Variants in SYT14 observed in about 807,000 individuals in gnomAD.
SYT14 encodes synaptotagmin 14, also known as synaptotagmin-14.
Under a neutral mutation model 74.2 loss-of-function variants are expected in SYT14, and 32 were observed. That is an observed-to-expected ratio of 0.43 (90% confidence interval 0.33 to 0.58). SYT14 has a LOEUF of 0.58. Ranked by LOEUF, SYT14 falls within the 20% of genes least tolerant of loss-of-function variation. SYT14 has a pLI of 0.05. For synonymous variants in SYT14, 298 were observed against 337.7 expected, an observed-to-expected ratio of 0.88 and a Z score of 1.29; for missense variants, 791 against 981.8, an observed-to-expected ratio of 0.81 and a Z score of 2.60.
chr1:209,993,194 C>T (rs1344176242), intron 2 of SYT14, among the ~76,000 whole-genome samples: 1 of 152,160 alleles, frequency 6.6e-6, no homozygotes, highest in African/African-American at 2.4e-5. Context: ...AGTGCCAGCC[C>T]CAACTGACCT....
chr1:210,071,023 G>A (rs2081384710), intron 5 of SYT14, among the ~76,000 whole-genome samples: 1 of 144,060 alleles, frequency 6.9e-6, no homozygotes, highest in Non-Finnish European at 1.5e-5. Context: ...GACATGTATT[G>A]TAATATTTTT....
At chr1:209,973,959 C>T (rs1163701670) in intron 2 of SYT14, among the ~76,000 whole-genome samples, 1 of 152,130 alleles carries the variant, frequency 6.6e-6, no homozygotes, top group East Asian at 1.9e-4. Flanking sequence ...CTCTGATTGC[C>T]AGTGATGATG....
chr1:210,161,111 C>A, exon 10 of SYT14: 2 of 1,517,854 alleles, frequency 1.3e-6, no homozygotes, highest in Non-Finnish European at 1.8e-6. Flanking sequence ...CTGTTTCTAC[C>A]AAGTCCCATT....
intron 5 of SYT14, among the ~76,000 whole-genome samples, chr1:210,067,811 T>C (rs2081324477): frequency 6.6e-6 from 1 of 151,828 alleles, no homozygotes; most frequent in African/African-American, 2.4e-5. Context: ...GATGTAAAGA[T>C]TGAAAAGGAA....
chr1:210,162,909 T>C (rs1453719672), exon 10 of SYT14: 1 of 453,254 alleles, frequency 2.2e-6, no homozygotes, highest in Non-Finnish European at 4.4e-6. Flanking sequence ...CTTTTATTGT[T>C]ACATCAATGA....
intron 2 of SYT14, among the ~76,000 whole-genome samples, chr1:209,961,973 G>A (rs2079082088): frequency 6.6e-6 from 1 of 152,060 alleles, no homozygotes; most frequent in Non-Finnish European, 1.5e-5. Flanking sequence ...ATCTTTGGGT[G>A]TTGGCATATA....
chr1:209,978,342 ACCTT>A (rs2079410263), intron 2 of SYT14, among the ~76,000 whole-genome samples: 1 of 151,414 alleles, frequency 6.6e-6, no homozygotes, highest in African/African-American at 2.4e-5. Context: ...GGTTTTATCT[ACCTT>A]TGGTCTTTGA....
chr1:210,051,703 C>T (rs1258895925), intron 5 of SYT14, among the ~76,000 whole-genome samples: 1 of 152,144 alleles, frequency 6.6e-6, no homozygotes, highest in African/African-American at 2.4e-5. Flanking sequence ...TTGGAAACCA[C>T]TCCATATGAA....
intron 5 of SYT14, among the ~76,000 whole-genome samples, chr1:210,051,943 G>T (rs557857246): frequency 6.6e-6 from 1 of 152,186 alleles, no homozygotes; most frequent in Admixed American, 6.5e-5. Context: ...AATCTTAATT[G>T]TTTTTAGAAG....
At chr1:210,134,183 G>A (rs1322110782) in intron 7 of SYT14, among the ~76,000 whole-genome samples, 1 of 151,898 alleles carries the variant, frequency 6.6e-6, no homozygotes, top group Admixed American at 6.6e-5. Flanking sequence ...GCTCACTGCA[G>A]CCTCAACCTC....
exon 10 of SYT14, chr1:210,165,705 T>C (rs900441855): frequency 2.0e-5 from 3 of 152,212 alleles, no homozygotes; most frequent in Admixed American, 1.3e-4. Context: ...ATTACATATG[T>C]CTCTCTTCCC....
chr1:210,164,336 A>G (rs887181337), exon 10 of SYT14: 1 of 211,238 alleles, frequency 4.7e-6, no homozygotes, highest in African/African-American at 2.4e-5. Context: ...TAATATACAC[A>G]TGTTTAAATG....
intron 7 of SYT14, among the ~76,000 whole-genome samples, chr1:210,138,039 T>G (rs968819056): frequency 6.6e-6 from 1 of 152,218 alleles, no homozygotes; most frequent in Non-Finnish European, 1.5e-5. Flanking sequence ...ACACATGCTG[T>G]GTACTAAATT....
chr1:210,083,595 G>C lies in SYT14; in HGVS notation c.1313-10727G>C, dbSNP rs768991740. On this transcript the variant is annotated intron_variant, in intron 5 of 9. Coordinates refer to ENST00000637265, the Ensembl canonical transcript of SYT14. Reference sequence around the variant, plus strand: ...TTCAATTTTTTTTTTTTTGAGACAGGGTCTCACTGTGTTGCCCAGGCTGGA... The same window carrying C: ...TTCAATTTTTTTTTTTTTGAGACAGCGTCTCACTGTGTTGCCCAGGCTGGA... Among the ~76,000 whole-genome samples the C allele has an allele frequency of 2.8e-4, 43 of 150,926 alleles. 1 individual carries two copies. Among genetic ancestry groups the C allele is most frequent in the Admixed American group, 6.6e-5 (1 of 15,156 alleles).
intron 2 of SYT14, among the ~76,000 whole-genome samples, chr1:209,957,605 T>G (rs2079013932): frequency 6.6e-6 from 1 of 152,050 alleles, no homozygotes; most frequent in Admixed American, 6.6e-5. Flanking sequence ...TTTTGTATTT[T>G]TAGTAGAGAC....
chr1:210,100,900 C>G (rs1181317420), intron 7 of SYT14, among the ~76,000 whole-genome samples: 1 of 152,010 alleles, frequency 6.6e-6, no homozygotes, highest in Non-Finnish European at 1.5e-5. Flanking sequence ...TATACCGCTC[C>G]CTAGGTCCCG....
intron 7 of SYT14, among the ~76,000 whole-genome samples, chr1:210,143,747 GGCTTTTCAA>G (rs1386162440): frequency 2.0e-5 from 3 of 152,202 alleles, no homozygotes; most frequent in East Asian, 1.9e-4. Context: ...TGTAGTTCAT[GGCTTTTCAA>G]GCTTTTCAAG....
At chr1:210,035,653 A>G (rs547861038) in intron 5 of SYT14, among the ~76,000 whole-genome samples, 2 of 151,888 alleles carry the variant, frequency 1.3e-5, no homozygotes, top group East Asian at 1.9e-4. Flanking sequence ...TGGAAATCCA[A>G]TTTTCCTAAC....
chr1:209,958,717 C>G (rs1245595549), intron 2 of SYT14, among the ~76,000 whole-genome samples: 1 of 152,172 alleles, frequency 6.6e-6, no homozygotes, highest in African/African-American at 2.4e-5. Context: ...AACTATTTAA[C>G]TATTTCCATA....
Sources: gnomAD v4.1 joint callset for allele counts (sites outside exome capture counted in the v4.1 genomes callset) on GRCh38, gnomAD v4.1.1 for gene constraint, MANE v1.5 for transcripts, NCBI Gene and HGNC (gene_info 2026-07-23, HGNC 2026-07-21) for gene names.